SIAE: variants seen among roughly 807,000 people sequenced by gnomAD.
SIAE encodes sialate O-acetylesterase.
A neutral mutation model predicts 52.6 loss-of-function variants in SIAE; 39 were observed. The ratio of observed to expected loss-of-function variants is 0.74; its 90% CI spans 0.57 to 0.97. The LOEUF is 0.97. SIAE is among the 50% of genes least tolerant of loss of function. The pLI is 0.00. For synonymous variants in SIAE, 233 were observed against 241.4 expected (o/e 0.97, Z 0.32); for missense variants, 592 against 662.1 (o/e 0.89, Z 1.16).
chr11:124,674,234 C>G (rs1943426547), upstream of SIAE: 1 of 152,612 alleles, frequency 6.6e-6, no homozygotes, highest in Non-Finnish European at 1.5e-5. Flanking sequence ...CTACTGCTCC[C>G]TCAGAAAAAG....
At chr11:124,666,965 T>C (rs1401286585) in intron 2 of SIAE, among the ~76,000 whole-genome samples, 2 of 152,196 alleles carry the variant, frequency 1.3e-5, no homozygotes, top group Non-Finnish European at 2.9e-5. Context: ...AAATATTAGT[T>C]CTGAAACAGG....
chr11:124,638,205 G>C (rs753696070), intron 9 of SIAE, among the ~76,000 whole-genome samples: 1 of 152,224 alleles, frequency 6.6e-6, no homozygotes, highest in Non-Finnish European at 1.5e-5. Context: ...AAATATTCTG[G>C]AGCAAGGATC....
intron 2 of SIAE, among the ~76,000 whole-genome samples, chr11:124,663,951 A>C (rs886752707): frequency 6.6e-6 from 1 of 152,162 alleles, no homozygotes; most frequent in Non-Finnish European, 1.5e-5. Flanking sequence ...TCTGGGCCCT[A>C]ATCACTTGCT....
intron 2 of SIAE, among the ~76,000 whole-genome samples, chr11:124,667,537 T>C (rs1035399412): frequency 1.3e-5 from 2 of 152,180 alleles, no homozygotes; most frequent in Non-Finnish European, 2.9e-5. Context: ...ATCATCAGTT[T>C]TGTATACTGA....
upstream of SIAE, chr11:124,675,480 A>G (rs1943450905): frequency 2.3e-5 from 36 of 1,571,112 alleles, no homozygotes; most frequent in Non-Finnish European, 3.1e-5. Flanking sequence ...TTATGGTAAA[A>G]CTTGCTTAAG....
intron 4 of SIAE, among the ~76,000 whole-genome samples, chr11:124,653,604 T>C (rs1943049357): frequency 6.6e-6 from 1 of 152,038 alleles, no homozygotes. Context: ...GAACAAATTG[T>C]TGAGGTGGAA....
At chr11:124,650,328 T>C (rs1942999783) in intron 4 of SIAE, among the ~76,000 whole-genome samples, 2 of 152,158 alleles carry the variant, frequency 1.3e-5, no homozygotes. Flanking sequence ...AGGGCCATCA[T>C]GTCCCCATGC....
intron 3 of SIAE, among the ~76,000 whole-genome samples, chr11:124,656,208 G>C (rs189216227): frequency 6.6e-6 from 1 of 152,002 alleles, no homozygotes; most frequent in African/African-American, 2.4e-5. Flanking sequence ...TACTCAACCC[G>C]TATGTATTGT....
At chr11:124,639,649 T>C in intron 8 of SIAE, 61 bp downstream of exon 8, 1 of 1,609,284 alleles carries the variant, frequency 6.2e-7, no homozygotes, top group Non-Finnish European at 8.5e-7. Context: ...CCGGTGAACA[T>C]CAGAGTGAAA....
Position 124,649,936 on chromosome 11 carries a change from A to C in SIAE, c.545-140T>G, listed in dbSNP as rs1232405903. On this transcript the variant is annotated intron_variant, in intron 4 of 9. Coordinates refer to ENST00000263593, the MANE Select transcript of SIAE (RefSeq NM_170601.5). ...TTCTAAGACTTTCAAAAGTAGGATA[A>C]GATTGAGAGGCACAGAGAAGATACA... 6 of 779,056 alleles carry C rather than the reference A, an allele frequency of 7.7e-6. No individual in the cohort carries two copies. The Admixed American group carries it at 1.2e-4, about 16-fold the overall frequency. 48.3% of individuals were successfully genotyped at this position (779,056 alleles called of 1,614,324 possible). A position where few individuals can be genotyped will look rare whatever the true frequency, so the allele number is the denominator to read the frequency against.
At chr11:124,656,310 G>A (rs1288848644) in intron 3 of SIAE, among the ~76,000 whole-genome samples, 5 of 152,162 alleles carry the variant, frequency 3.3e-5, no homozygotes, top group Admixed American at 1.3e-4. Context: ...ATCTGCACAT[G>A]TGGAACTGGT....
intron 5 of SIAE, 145 bp downstream of exon 5, chr11:124,649,474 C>A: frequency 1.1e-6 from 1 of 930,176 alleles, no homozygotes. Context: ...GAAAATAATG[C>A]TTTCCCTCTA....
intron 1 of SIAE, chr11:124,669,728 CAT>C: frequency 1.8e-6 from 1 of 566,060 alleles, no homozygotes; most frequent in Non-Finnish European, 3.2e-6. Flanking sequence ...CATCATAGCA[CAT>C]GATGACCACT....
At position 124,649,722 on chromosome 11, in the gene SIAE, G is replaced by A; in HGVS notation, c.619C>T (p.Leu207=). 6.2e-7 allele frequency: 1 copy of A among 1,614,200 alleles called. No homozygotes were observed. The highest frequency in any genetic ancestry group is 8.5e-7 in the Non-Finnish European group (1 of 1,180,036). Residue 207 remains leucine (L), a synonymous_variant, in exon 5 of 10, where the codon CTG becomes TTG. Transcript: ENST00000263593. ...GCGATCAGCCCGATGGGATACTGCA[G>A]AGTGTCATAAAGGTGACGTCCAAAG... The part of the protein sequence containing the change: ...WLFGRHLYDT[L]QYPIGLIASS...
In SIAE at chr11:124,660,793, A is replaced by G; in HGVS notation, c.240T>C (p.Asp80=). The G allele has an allele frequency of 6.2e-7, 1 of 1,614,174 alleles. No homozygotes were observed. The highest frequency in any genetic ancestry group is 8.5e-7 in the Non-Finnish European group (1 of 1,180,002). The part of the protein sequence containing the change: ...KKVTSVKAHS[D]TWMVVLDPMK... ...TAGGATCCAGTACCACCATCCACGT[A>G]TCAGAGTGAGCTGAAATAGTAACAG... The change falls in exon 3 of 10, where the codon GAT becomes GAC. Residue 80 remains aspartate (D), a synonymous_variant. Transcript: ENST00000263593.
At position 124,666,983 on chromosome 11, in the gene SIAE, G is replaced by A. The variant is rs532514299; in HGVS notation, c.229+2377C>T. 2.0e-4 allele frequency among the ~76,000 whole-genome samples: 30 copies of A among 152,194 alleles called. 1 individual carries two copies. In the South Asian group the frequency reaches 6.0e-3, roughly 31 times the overall value. On this transcript the variant is annotated intron_variant, in intron 2 of 9. Coordinates refer to ENST00000263593, the MANE Select transcript of SIAE (RefSeq NM_170601.5). ...TATTAGTTCTGAAACAGGCATGAAG[G>A]GAGAAAAACTCTAAAAATAATGCAA...
intron 2 of SIAE, among the ~76,000 whole-genome samples, chr11:124,668,906 T>C (rs1181920425): frequency 1.3e-5 from 2 of 152,182 alleles, no homozygotes; most frequent in Non-Finnish European, 1.5e-5. Flanking sequence ...CTTTTTAAGG[T>C]AAGAAGGTAA....
chr11:124,647,259 A>G, intron 7 of SIAE, 106 bp downstream of exon 7: 1 of 1,482,090 alleles, frequency 6.7e-7, no homozygotes, highest in Non-Finnish European at 9.4e-7. Flanking sequence ...GAAATCCAGG[A>G]AAGAGATCCA....
chr11:124,637,344 C>T, intron 9 of SIAE, 142 bp from the exon 10 acceptor site: 1 of 1,126,160 alleles, frequency 8.9e-7, no homozygotes, highest in Non-Finnish European at 1.3e-6. Flanking sequence ...GCAGAACAAA[C>T]CTGAGCCCAC....
Sources: allele counts gnomAD v4.1 joint callset (sites outside exome capture counted in the v4.1 genomes callset), GRCh38; gene constraint gnomAD v4.1.1; transcripts MANE v1.5; gene names NCBI Gene and HGNC (gene_info 2026-07-23, HGNC 2026-07-21).